The following DCP2 variants were observed in gnomAD, a reference collection of about 807,000 sequenced individuals.
DCP2 encodes m7GpppN-mRNA hydrolase.
A neutral mutation model predicts 56.1 loss-of-function variants in DCP2; 30 were observed. The ratio of observed to expected loss-of-function variants is 0.53; its 90% CI spans 0.40 to 0.73. DCP2 has a LOEUF of 0.73. Among genes scored for constraint, DCP2 ranks in the 30% least tolerant of loss-of-function variants. The pLI is 0.00. For synonymous variants in DCP2, 197 were observed against 163.3 expected, an observed-to-expected ratio of 1.21 and a Z score of -1.57; for missense variants, 533 against 502.7, an observed-to-expected ratio of 1.06 and a Z score of -0.58.
chr5:113,008,960 C>T (rs1479813117), intron 9 of DCP2, among the ~76,000 whole-genome samples: 1 of 152,020 alleles, frequency 6.6e-6, no homozygotes, highest in Non-Finnish European at 1.5e-5. Context: ...TCCCCTGTCT[C>T]AGCCTCCTGA....
intron 4 of DCP2, among the ~76,000 whole-genome samples, chr5:112,996,112 A>T (rs1265076382): frequency 6.6e-6 from 1 of 152,066 alleles, no homozygotes; most frequent in Admixed American, 6.6e-5. Context: ...CAACATATGA[A>T]TTTTTTTGGT....
intron 2 of DCP2, among the ~76,000 whole-genome samples, chr5:112,988,126 G>A (rs1316134507): frequency 6.6e-6 from 1 of 152,048 alleles, no homozygotes; most frequent in Non-Finnish European, 1.5e-5. Flanking sequence ...TTCTGTAACA[G>A]TTAACTGTTA....
chr5:113,006,754 G>C (rs1248179391), intron 8 of DCP2, among the ~76,000 whole-genome samples: 1 of 151,964 alleles, frequency 6.6e-6, no homozygotes, highest in Non-Finnish European at 1.5e-5. Flanking sequence ...AGAATTTTTT[G>C]GTAGGAAAAT....
At chr5:112,981,084 C>T (rs1183750282) in intron 1 of DCP2, among the ~76,000 whole-genome samples, 2 of 152,026 alleles carry the variant, frequency 1.3e-5, no homozygotes, top group Admixed American at 6.6e-5. Context: ...TCATAGCTCA[C>T]TGCAACTTCC....
In DCP2 at chr5:113,016,205, T is replaced by C. The variant is rs1241493524; in HGVS notation, c.*2721T>C. The C allele has an allele frequency of 6.6e-6, 1 of 152,616 alleles. No individual in the cohort carries two copies. Among genetic ancestry groups the C allele is most frequent in the Non-Finnish European group, 1.5e-5 (1 of 68,030 alleles). 9.5% of individuals were successfully genotyped at this position (152,616 alleles called of 1,614,324 possible). A position where few individuals can be genotyped will look rare whatever the true frequency, so the allele number is the denominator to read the frequency against. On this transcript the variant is annotated 3_prime_UTR_variant, in exon 11 of 11. Coordinates refer to ENST00000389063, the MANE Select transcript of DCP2 (RefSeq NM_152624.6). ...AGATAAGGGTGTGGTTTACATGCTT[T>C]TCAAAAATTTTTGTTAAGAAGTAGC...
chr5:113,006,414 T>C (rs1749439797), intron 8 of DCP2, among the ~76,000 whole-genome samples: 1 of 152,180 alleles, frequency 6.6e-6, no homozygotes, highest in African/African-American at 2.4e-5. Flanking sequence ...TCACAAGTGG[T>C]TGATGTGGTA....
intron 3 of DCP2, among the ~76,000 whole-genome samples, 166 bp downstream of exon 3, chr5:112,992,414 A>AT (rs1219614784): frequency 1.3e-5 from 2 of 151,934 alleles, no homozygotes; most frequent in Admixed American, 1.3e-4. Context: ...ATGTCTGCAG[A>AT]TTTTTTACTT....
Position 113,001,555 on chromosome 5 carries a change from A to G in DCP2, c.699-12A>G. ...GCCATATTTTGAAAGTGAATTCTTA[A>G]TGTTTCTGCAGACCATTAAGGGACT... On this transcript the variant is annotated splice_polypyrimidine_tract_variant and intron_variant, in intron 6 of 10. Transcript: ENST00000389063. 6.2e-7 allele frequency: 1 copy of G among 1,613,454 alleles called. No individual in the cohort carries two copies. Among genetic ancestry groups the G allele is most frequent in the Non-Finnish European group, 8.5e-7 (1 of 1,179,444 alleles).
intron 1 of DCP2, among the ~76,000 whole-genome samples, chr5:112,979,112 G>A (rs1483754222): frequency 7.0e-6 from 1 of 142,878 alleles, no homozygotes; most frequent in African/African-American, 2.9e-5. Flanking sequence ...AAGATAGTTG[G>A]TTTTCCAGTG....
intron 1 of DCP2, among the ~76,000 whole-genome samples, chr5:112,983,096 C>A (rs769000709): frequency 6.6e-6 from 1 of 152,226 alleles, no homozygotes; most frequent in Non-Finnish European, 1.5e-5. Flanking sequence ...ATCACACAGA[C>A]TGCCATGCCA....
chr5:112,986,181 A>G (rs899492833), intron 2 of DCP2, among the ~76,000 whole-genome samples, 195 bp downstream of exon 2: 10 of 152,134 alleles, frequency 6.6e-5, no homozygotes, highest in Admixed American at 2.0e-4. Flanking sequence ...AATACTCATA[A>G]TAATCATACA....
intron 8 of DCP2, among the ~76,000 whole-genome samples, chr5:113,007,376 ATTTC>A (rs35517896): frequency 0.7 from 97,178 of 138,190 alleles, 33,956 homozygotes; most frequent in South Asian, 0.74. Flanking sequence ...GTGTGGAAAG[ATTTC>A]TTTCTTTCTT....
chr5:112,984,697 A>ATATATATATAT (rs1436502850), intron 1 of DCP2: 25 of 76,160 alleles, frequency 3.3e-4, no homozygotes, highest in African/African-American at 5.5e-4. Flanking sequence ...AAAAAAAAAA[A>ATATATATATAT]AAAAAAATAT....
chr5:113,016,992 C>A lies in DCP2; in HGVS notation c.*3508C>A, dbSNP rs1158308597. On this transcript the variant is annotated 3_prime_UTR_variant, in exon 11 of 11. Transcript: ENST00000389063. The stretch of plus-strand genomic sequence containing the variant: ...AAGTAGCTGGGATTACAGGCATGCG[C>A]CACCACGCCCTGCTAATTCTGTCTT... The A allele has an allele frequency of 1.3e-5, 2 of 152,230 alleles. No individual in the cohort carries two copies. The highest frequency in any genetic ancestry group is 1.3e-4 in the Admixed American group (2 of 15,284). 9.4% of individuals were successfully genotyped at this position (152,230 alleles called of 1,614,324 possible).
intron 2 of DCP2, among the ~76,000 whole-genome samples, chr5:112,988,073 G>A (rs1170030015): frequency 6.6e-6 from 1 of 152,096 alleles, no homozygotes; most frequent in African/African-American, 2.4e-5. Flanking sequence ...CATGAAGTAT[G>A]GAATCCTTCG....
intron 1 of DCP2, among the ~76,000 whole-genome samples, chr5:112,979,579 A>C (rs1747901296): frequency 6.6e-6 from 1 of 152,096 alleles, no homozygotes. Flanking sequence ...GTATATAGGA[A>C]GTTTTCTTTT....
intron 4 of DCP2, among the ~76,000 whole-genome samples, chr5:112,996,774 C>T (rs1251328730): frequency 6.6e-6 from 1 of 152,086 alleles, no homozygotes; most frequent in Non-Finnish European, 1.5e-5. Flanking sequence ...TTTGGCTCAC[C>T]TTTGTTAATT....
At chr5:112,988,494 T>TAAAAA (rs368124032) in intron 2 of DCP2, among the ~76,000 whole-genome samples, 788 of 76,302 alleles carry the variant, frequency 0.01, 15 homozygotes, top group African/African-American at 0.024. Flanking sequence ...TGTGTCTTAA[T>TAAAAA]AAAAAAAAAA....
chr5:113,013,556 T>G lies in DCP2; in HGVS notation c.*72T>G. 1 of 1,538,342 alleles carries G rather than the reference T, an allele frequency of 6.5e-7. No individual in the cohort carries two copies. The highest frequency in any genetic ancestry group is 8.8e-7 in the Non-Finnish European group (1 of 1,132,280). ...ATTTGAGTGGGTGTCTCCTCAAGCC[T>G]TACCTTTCTCAGGTGTTTTAAAGAA... is the stretch of plus-strand genomic sequence containing the variant. On this transcript the variant is annotated 3_prime_UTR_variant, in exon 11 of 11. Transcript: ENST00000389063.
Sources: allele counts gnomAD v4.1 joint callset (sites outside exome capture counted in the v4.1 genomes callset), GRCh38; gene constraint gnomAD v4.1.1; transcripts MANE v1.5; gene names NCBI Gene and HGNC (gene_info 2026-07-23, HGNC 2026-07-21).